Variants in ODAD4 observed in about 807,000 individuals in gnomAD.
ODAD4 encodes the protein outer dynein arm docking complex subunit 4.
A neutral mutation model predicts 51.8 loss-of-function variants in ODAD4; 49 were observed. The observed-to-expected ratio is 0.95, with a 90% CI of 0.75 to 1.20. ODAD4 has a LOEUF of 1.20. Among genes scored for constraint, ODAD4 ranks in the 50% most tolerant of loss-of-function variants. ODAD4 has a pLI of 0.00. For synonymous variants in ODAD4, 235 were observed against 221.3 expected (o/e 1.06, Z -0.55); for missense variants, 590 against 586.5 (o/e 1.01, Z -0.06).
chr17:41,931,381 C>T (rs782064462), intron 1 of ODAD4, among the ~76,000 whole-genome samples: 2 of 152,152 alleles, frequency 1.3e-5, no homozygotes, highest in Non-Finnish European at 2.9e-5. Context: ...ACCTTTTCCT[C>T]CACTTTTACT....
chr17:41,947,925 C>G (rs959234923), intron 8 of ODAD4, among the ~76,000 whole-genome samples: 56 of 152,152 alleles, frequency 3.7e-4, no homozygotes, highest in Middle Eastern at 3.4e-3. Context: ...TCAAGACCAG[C>G]CTGACCAACA....
chr17:41,951,013 A>G (rs1043563750), intron 9 of ODAD4, among the ~76,000 whole-genome samples: 1 of 151,874 alleles, frequency 6.6e-6, no homozygotes, highest in Non-Finnish European at 1.5e-5. Context: ...CCCGGCCTCC[A>G]AGGGAACCTT....
rs1555642320 is a variant in ODAD4, at chr17:41,965,020, T to C, written c.1556T>C (p.Ile519Thr). ...GCTTCACTGTATGAAGATAGAATAA[T>C]AACAAGAGAGAAGGACATGAGGAGA... is the stretch of plus-strand genomic sequence containing the variant. ...GEASLYEDRIITREKDMRRVR... is the reference protein window; with the variant it reads ...GEASLYEDRITTREKDMRRVR... The change falls in exon 12 of 12, where the codon ATA becomes ACA. Residue 519 changes from isoleucine to threonine, a missense_variant. Around this residue, in one of 3 missense-constraint regions of ODAD4, gnomAD observed 226 missense variants for 162.7 expected, o/e 1.39. Coordinates refer to ENST00000377540, the MANE Select transcript of ODAD4 (RefSeq NM_031421.5). 1.4e-6 allele frequency: 1 copy of C among 718,942 alleles called. No individual in the cohort carries two copies. The allele number at this position is 718,942 out of a possible 1,614,324, so 44.5% of individuals were successfully genotyped here. A position where few individuals can be genotyped will look rare whatever the true frequency, so the allele number is the denominator to read the frequency against.
intron 7 of ODAD4, among the ~76,000 whole-genome samples, chr17:41,944,417 CACACACACACACACACACACACACA>C (rs1555639141): frequency 2.4e-4 from 3 of 12,530 alleles, no homozygotes; most frequent in African/African-American, 4.1e-4. Context: ...CACACACACA[CACACACACACACACACACACACACA>C]CACCCCCCCG....
intron 1 of ODAD4, among the ~76,000 whole-genome samples, chr17:41,931,112 G>C (rs1367409889): frequency 1.3e-5 from 2 of 151,892 alleles, no homozygotes; most frequent in African/African-American, 4.8e-5. Context: ...GGCCAGGCTG[G>C]TCTCGAACTC....
intron 9 of ODAD4, among the ~76,000 whole-genome samples, chr17:41,954,877 T>C (rs1437543019): frequency 2.0e-5 from 3 of 151,698 alleles, no homozygotes; most frequent in Non-Finnish European, 4.4e-5. Context: ...AAATTCGTCT[T>C]CCAGAACAAT....
At chr17:41,937,013 C>G (rs2050439157) in intron 5 of ODAD4, 86 bp downstream of exon 5, 13 of 1,468,904 alleles carry the variant, frequency 8.9e-6, no homozygotes, top group Non-Finnish European at 1.2e-5. Context: ...CAGAACCTGT[C>G]ATATAATATT....
intron 10 of ODAD4, among the ~76,000 whole-genome samples, chr17:41,956,047 C>CTTTTTT (rs71357524): frequency 1.6e-5 from 2 of 124,940 alleles, no homozygotes; most frequent in Non-Finnish European, 3.4e-5. Flanking sequence ...CTGTACTTAG[C>CTTTTTT]TTTTTTTTTT....
chr17:41,947,710 A>G (rs1196069004), intron 8 of ODAD4, among the ~76,000 whole-genome samples: 26 of 150,928 alleles, frequency 1.7e-4, no homozygotes, highest in Non-Finnish European at 3.1e-4. Context: ...CAAGAGAATC[A>G]CTTGAATCTG....
At chr17:41,943,026 G>GT (rs1190777286) in intron 7 of ODAD4, among the ~76,000 whole-genome samples, 2 of 151,970 alleles carry the variant, frequency 1.3e-5, no homozygotes, top group African/African-American at 4.8e-5. Context: ...TTGTGCCCGC[G>GT]TTTTGTTTTT....
At chr17:41,955,112 A>G in intron 9 of ODAD4, 105 bp from the exon 10 acceptor site, 2 of 714,896 alleles carry the variant, frequency 2.8e-6, no homozygotes, top group Non-Finnish European at 5.2e-6. Flanking sequence ...CAGCTCACAC[A>G]AGCTTCTGAT....
intron 11 of ODAD4, among the ~76,000 whole-genome samples, chr17:41,963,665 G>A (rs1322142912): frequency 6.6e-6 from 1 of 150,516 alleles, no homozygotes; most frequent in Non-Finnish European, 1.5e-5. Flanking sequence ...TTGAAACGGA[G>A]TCTTGTTCTG....
chr17:41,961,040 T>C (rs1246881299), intron 10 of ODAD4, among the ~76,000 whole-genome samples: 2 of 152,164 alleles, frequency 1.3e-5, no homozygotes, highest in East Asian at 3.9e-4. Flanking sequence ...TGCTTGCAGG[T>C]TTGGATTGTC....
At chr17:41,943,705 C>T (rs145405210) in intron 7 of ODAD4, among the ~76,000 whole-genome samples, 1 of 152,166 alleles carries the variant, frequency 6.6e-6, no homozygotes, top group Non-Finnish European at 1.5e-5. Context: ...GATGGCTTAG[C>T]TTGGGCTCAG....
chr17:41,952,268 T>C (rs1490349916), intron 9 of ODAD4, among the ~76,000 whole-genome samples: 4 of 149,268 alleles, frequency 2.7e-5, no homozygotes, highest in African/African-American at 9.9e-5. Flanking sequence ...CTCGGGAGGC[T>C]GAGGCAGGAG....
At chr17:41,942,384 C>T (rs2144504634) in intron 7 of ODAD4, among the ~76,000 whole-genome samples, 1 of 151,904 alleles carries the variant, frequency 6.6e-6, no homozygotes, top group Admixed American at 6.5e-5. Context: ...TCAGTGCCCA[C>T]GGCACTCATT....
chr17:41,948,450 G>A (rs1430370486), intron 8 of ODAD4, among the ~76,000 whole-genome samples: 1 of 151,320 alleles, frequency 6.6e-6, no homozygotes, highest in African/African-American at 2.4e-5. Context: ...CCAAGTAGCT[G>A]GGCTACAGGC....
Position 41,938,953 on chromosome 17 carries a change from T to G in ODAD4, c.851-12T>G. The G allele has an allele frequency of 6.2e-7, 1 of 1,605,670 alleles. No homozygotes were observed. Among genetic ancestry groups the G allele is most frequent in the Non-Finnish European group, 8.5e-7 (1 of 1,175,944 alleles). On this transcript the variant is annotated splice_polypyrimidine_tract_variant and intron_variant, in intron 6 of 11. Transcript: ENST00000377540. ...CTGCCCTGGCCTCCACAGCACCCCT[T>G]TCCTTTCTCAGTGCTCACAAGTGGC...
chr17:41,940,334 G>A (rs1465114306), intron 7 of ODAD4, among the ~76,000 whole-genome samples: 1 of 152,190 alleles, frequency 6.6e-6, no homozygotes, highest in East Asian at 1.9e-4. Context: ...CTCACTGCCT[G>A]CAGGTTAAAG....
Sources: allele counts gnomAD v4.1 joint callset (sites outside exome capture counted in the v4.1 genomes callset), GRCh38; gene constraint gnomAD v4.1.1; regional missense constraint gnomAD v4.1.1; transcripts MANE v1.5; gene names NCBI Gene and HGNC (gene_info 2026-07-23, HGNC 2026-07-21).